Variants in ARHGAP8 observed in about 807,000 individuals in gnomAD.
The protein encoded by ARHGAP8 is rho GTPase-activating protein 8.
ARHGAP8 carries 62 observed loss-of-function variants against 46.1 expected under a neutral mutation model. The observed-to-expected ratio is 1.34, with a 90% CI of 1.10 to 1.66. The LOEUF (loss-of-function observed/expected upper bound fraction) is 1.66. Among genes scored for constraint, ARHGAP8 ranks in the 40% most tolerant of loss-of-function variants. The probability of loss-of-function intolerance (pLI) is 0.00; values close to 1 mark genes in which losing one functional copy is unlikely to be tolerated. For missense variants in ARHGAP8, 923 were observed against 568.4 expected (o/e 1.62, Z -6.34); for synonymous variants, 375 against 243.1 (o/e 1.54, Z -5.05).
At chr22:44,770,721 C>T (rs1383421880) in intron 1 of ARHGAP8, among the ~76,000 whole-genome samples, 1 of 152,158 alleles carries the variant, frequency 6.6e-6, no homozygotes, top group Non-Finnish European at 1.5e-5. Flanking sequence ...TTGGGTTCTA[C>T]AGTAGTGATG....
chr22:44,855,464 C>T (rs1414309187), intron 10 of ARHGAP8, among the ~76,000 whole-genome samples: 2 of 152,146 alleles, frequency 1.3e-5, no homozygotes, highest in African/African-American at 4.8e-5. Context: ...TATGCCTGGC[C>T]ACAAACCAAG....
At chr22:44,801,552 A>G (rs956531495) in intron 2 of ARHGAP8, among the ~76,000 whole-genome samples, 3 of 152,262 alleles carry the variant, frequency 2.0e-5, no homozygotes, top group African/African-American at 7.2e-5. Flanking sequence ...GTGTCAAGAG[A>G]CTGTTGTAGC....
chr22:44,813,808 C>T (rs2147101712), intron 4 of ARHGAP8, among the ~76,000 whole-genome samples: 1 of 152,204 alleles, frequency 6.6e-6, no homozygotes, highest in East Asian at 1.9e-4. Flanking sequence ...ATTACAGTTA[C>T]ATACACTTAC....
chr22:44,759,073 G>A (rs778752217), intron 1 of ARHGAP8, among the ~76,000 whole-genome samples: 2 of 152,222 alleles, frequency 1.3e-5, no homozygotes, highest in African/African-American at 2.4e-5. Flanking sequence ...AGAGGTGAAC[G>A]AGGTGGATGG....
intron 5 of ARHGAP8, among the ~76,000 whole-genome samples, chr22:44,821,370 A>T (rs136659): frequency 0.27 from 40,520 of 151,232 alleles, 6,500 homozygotes; most frequent in Non-Finnish European, 0.36. Context: ...CGGAGCTTGC[A>T]GTGAGCCGAG....
At chr22:44,845,697 C>G (rs1049878885) in intron 8 of ARHGAP8, among the ~76,000 whole-genome samples, 1 of 152,194 alleles carries the variant, frequency 6.6e-6, no homozygotes, top group Non-Finnish European at 1.5e-5. Flanking sequence ...AGGAAGCCCT[C>G]TCGAAATGGG....
chr22:44,754,077 A>T (rs1451859925), intron 1 of ARHGAP8, among the ~76,000 whole-genome samples: 1 of 152,206 alleles, frequency 6.6e-6, no homozygotes, highest in African/African-American at 2.4e-5. Flanking sequence ...TCTTGTGGAC[A>T]GCCAGCTGCC....
chr22:44,857,643 G>A (rs1023768744), intron 10 of ARHGAP8, among the ~76,000 whole-genome samples: 1 of 152,150 alleles, frequency 6.6e-6, no homozygotes, highest in African/African-American at 2.4e-5. Flanking sequence ...CTTCAGAGAT[G>A]AGTTTGCCCC....
intron 7 of ARHGAP8, among the ~76,000 whole-genome samples, chr22:44,825,821 CGCT>C (rs541011640): frequency 1.4e-3 from 163 of 117,458 alleles, no homozygotes; most frequent in African/African-American, 5.3e-3. Context: ...GGCGCATGCT[CGCT>C]GCTCGGTGCC....
intron 1 of ARHGAP8, among the ~76,000 whole-genome samples, chr22:44,762,445 A>AC (rs1055799344): frequency 6.6e-6 from 1 of 151,604 alleles, no homozygotes; most frequent in Non-Finnish European, 1.5e-5. Context: ...CTAAAACAAA[A>AC]AAAAATCTTT....
In ARHGAP8 at chr22:44,862,636, C is replaced by T. The variant is rs181260182; in HGVS notation, c.*41C>T. The T allele has an allele frequency of 5.8e-5, 88 of 1,518,350 alleles. No individual in the cohort carries two copies. The highest frequency in any genetic ancestry group is 7.0e-5 in the Non-Finnish European group (79 of 1,130,626). The allele number at this position is 1,518,350 out of a possible 1,614,324, so 94.1% of individuals were successfully genotyped here. ...GTATATTTCGAGCTACCTCCCACACCTGTCTGTGCACTTGTATGTTTTGTA... is the reference window on the plus strand; with the variant it reads ...GTATATTTCGAGCTACCTCCCACACTTGTCTGTGCACTTGTATGTTTTGTA... On this transcript the variant is annotated 3_prime_UTR_variant, in exon 12 of 12. Transcript: ENST00000356099.
chr22:44,816,884 C>CTTTTTTTTTTTTT (rs981732386), intron 5 of ARHGAP8, among the ~76,000 whole-genome samples: 2 of 115,106 alleles, frequency 1.7e-5, no homozygotes, highest in African/African-American at 6.6e-5. Flanking sequence ...TTCTTTCTTT[C>CTTTTTTTTTTTTT]TTTTTTTTTT....
chr22:44,820,125 C>T lies in ARHGAP8; in HGVS notation c.387-2246C>T, dbSNP rs866526157. On this transcript the variant is annotated intron_variant, in intron 5 of 11. Transcript: ENST00000356099. Reference sequence around the variant, plus strand: ...CTGACTCAGATCCCCGCAGGTGGTGCCTGTGGCTGCAGGTCTAACAAAACC... The same window carrying T: ...CTGACTCAGATCCCCGCAGGTGGTGTCTGTGGCTGCAGGTCTAACAAAACC... Among the ~76,000 whole-genome samples the T allele has an allele frequency of 2.4e-4, 36 of 152,374 alleles. No individual in the cohort carries two copies. In the Middle Eastern group the frequency reaches 0.024, roughly 101 times the overall value.
At chr22:44,831,927 G>A (rs760954253) in intron 7 of ARHGAP8, among the ~76,000 whole-genome samples, 1 of 151,816 alleles carries the variant, frequency 6.6e-6, no homozygotes, top group East Asian at 1.9e-4. Context: ...TTTCAATATT[G>A]TTTAGGCTAT....
At chr22:44,848,893 C>A in intron 9 of ARHGAP8, 39 bp from the exon 10 acceptor site, 1 of 1,610,946 alleles carries the variant, frequency 6.2e-7, no homozygotes, top group Non-Finnish European at 8.5e-7. Flanking sequence ...GTGCCCAGGC[C>A]GGGGTGCAGA....
At chr22:44,779,392 C>T (rs1926668312) in intron 1 of ARHGAP8, among the ~76,000 whole-genome samples, 1 of 151,554 alleles carries the variant, frequency 6.6e-6, no homozygotes, top group Non-Finnish European at 1.5e-5. Flanking sequence ...TGAGCTACTG[C>T]GCCCGGCCGG....
At chr22:44,820,090 G>C (rs568208271) in intron 5 of ARHGAP8, among the ~76,000 whole-genome samples, 3 of 152,072 alleles carry the variant, frequency 2.0e-5, no homozygotes, top group Non-Finnish European at 2.9e-5. Context: ...CCTGGGTCTC[G>C]CCAGACCTCC....
chr22:44,793,930 A>C (rs1343729586), intron 2 of ARHGAP8, among the ~76,000 whole-genome samples: 1 of 152,214 alleles, frequency 6.6e-6, no homozygotes, highest in Non-Finnish European at 1.5e-5. Flanking sequence ...TGATGGCTTA[A>C]TAAGTGGGAA....
At chr22:44,754,995 C>T (rs1381792285) in intron 1 of ARHGAP8, among the ~76,000 whole-genome samples, 1 of 152,178 alleles carries the variant, frequency 6.6e-6, no homozygotes, top group East Asian at 1.9e-4. Context: ...CTGGGGCACT[C>T]AGCCTCCTCA....
Sources: gnomAD v4.1 joint callset for allele counts (sites outside exome capture counted in the v4.1 genomes callset) on GRCh38, gnomAD v4.1.1 for gene constraint, MANE v1.5 for transcripts, NCBI Gene and HGNC (gene_info 2026-07-23, HGNC 2026-07-21) for gene names.